Variants in SAYSD1 observed in about 807,000 individuals in gnomAD.
SAYSD1 encodes SAYSVFN motif domain containing 1.
A neutral mutation model predicts 14.5 loss-of-function variants in SAYSD1; 15 were observed. The ratio of observed to expected loss-of-function variants is 1.03; its 90% CI spans 0.69 to 1.59. The LOEUF (loss-of-function observed/expected upper bound fraction) is 1.59. Ranked by LOEUF, SAYSD1 falls within the 40% of genes most tolerant of loss-of-function variation. SAYSD1 has a pLI of 0.00. For missense variants in SAYSD1, 247 were observed against 227.3 expected (o/e 1.09, Z -0.56); for synonymous variants, 105 against 102.6 (o/e 1.02, Z -0.14).
At chr6:39,113,354 CCA>C (rs1769667240) in intron 1 of SAYSD1, 1 of 152,390 alleles carries the variant, frequency 6.6e-6, no homozygotes, top group Non-Finnish European at 1.5e-5. Context: ...CTCTGACAGG[CCA>C]CAGTGTGCCA....
Position 39,114,879 on chromosome 6 carries a change from T to C in SAYSD1, c.207+4A>G. 1 of 1,610,690 alleles carries C rather than the reference T, an allele frequency of 6.2e-7. No individual in the cohort carries two copies. The highest frequency in any genetic ancestry group is 8.5e-7 in the Non-Finnish European group (1 of 1,178,872). On this transcript the variant is annotated splice_donor_region_variant and intron_variant, in intron 1 of 1. Coordinates refer to ENST00000229903, the MANE Select transcript of SAYSD1 (RefSeq NM_018322.3). ...TCCTAGGGCCGAAGTTTCCATCGTCTCACCTGAACTAGGCCGGGCTGGGCC... is the reference window on the plus strand; with the variant it reads ...TCCTAGGGCCGAAGTTTCCATCGTCCCACCTGAACTAGGCCGGGCTGGGCC...
intron 1 of SAYSD1, chr6:39,112,156 A>G (rs1216212606): frequency 6.6e-6 from 1 of 152,270 alleles, no homozygotes; most frequent in African/African-American, 2.4e-5. Flanking sequence ...AGTATACACA[A>G]TAAAAAATAG....
intron 1 of SAYSD1, among the ~76,000 whole-genome samples, chr6:39,108,281 T>A (rs60391655): frequency 0.036 from 5,519 of 152,084 alleles, 124 homozygotes; most frequent in African/African-American, 0.064. Context: ...GTAATTTCCC[T>A]AAAGCCATAA....
At position 39,105,646 on chromosome 6, in the gene SAYSD1, A is replaced by G. The variant is rs779278213; in HGVS notation, c.338T>C (p.Leu113Pro). 1.2e-6 allele frequency: 2 copies of G among 1,614,118 alleles called. No individual in the cohort carries two copies. Among genetic ancestry groups the G allele is most frequent in the East Asian group, 4.5e-5 (2 of 44,892 alleles). ...AAATTCCAGTTCCACAAACAGTCCCAGCAGGACCAACCAGAGAAGAACCTT... is the reference window on the plus strand; with the variant it reads ...AAATTCCAGTTCCACAAACAGTCCCGGCAGGACCAACCAGAGAAGAACCTT... ...FLKVLLWLVLLGLFVELEFGL... is the reference protein window; with the variant it reads ...FLKVLLWLVLPGLFVELEFGL... Residue 113 changes from leucine to proline, a missense_variant, in exon 2 of 2, where the codon CTG becomes CCG. Coordinates refer to ENST00000229903, the MANE Select transcript of SAYSD1 (RefSeq NM_018322.3).
At chr6:39,108,452 AG>A (rs1394859858) in intron 1 of SAYSD1, among the ~76,000 whole-genome samples, 4 of 152,054 alleles carry the variant, frequency 2.6e-5, no homozygotes, top group African/African-American at 7.3e-5. Context: ...AAACTGACGA[AG>A]GGAACAAACA....
chr6:39,111,951 T>C (rs1186860729), intron 1 of SAYSD1: 1 of 152,022 alleles, frequency 6.6e-6, no homozygotes, highest in Non-Finnish European at 1.5e-5. Flanking sequence ...ATATGTTATA[T>C]GAAAAAATTA....
At chr6:39,107,373 C>G (rs979870552) in intron 1 of SAYSD1, among the ~76,000 whole-genome samples, 8 of 152,198 alleles carry the variant, frequency 5.3e-5, no homozygotes, top group African/African-American at 1.9e-4. Context: ...GTTCATTAAG[C>G]ACCAAACTAT....
At position 39,105,221 on chromosome 6, in the gene SAYSD1, C is replaced by T. The variant is rs140829226; in HGVS notation, c.*211G>A. On this transcript the variant is annotated 3_prime_UTR_variant, in exon 2 of 2. Transcript: ENST00000229903. Reference sequence around the variant, plus strand: ...AGTACATAATTTTTATAAATTGCGTCGGACCCACAGTGAATGTATTTTAGA... The same window carrying T: ...AGTACATAATTTTTATAAATTGCGTTGGACCCACAGTGAATGTATTTTAGA... 389 of 550,048 alleles carry T rather than the reference C, an allele frequency of 7.1e-4. 1 individual carries two copies. The highest frequency in any genetic ancestry group is 1.2e-3 in the Admixed American group (37 of 30,746). 34.1% of individuals were successfully genotyped at this position (550,048 alleles called of 1,614,324 possible).
At chr6:39,109,457 A>T in intron 1 of SAYSD1, 1 of 1,535,278 alleles carries the variant, frequency 6.5e-7, no homozygotes, top group Non-Finnish European at 8.8e-7. Flanking sequence ...CGGCATTGTC[A>T]GTCACAGCGA....
chr6:39,105,687 G>A lies in SAYSD1; in HGVS notation c.297C>T (p.Thr99=). The A allele has an allele frequency of 6.2e-7, 1 of 1,614,188 alleles. No homozygotes were observed. The highest frequency in any genetic ancestry group is 8.5e-7 in the Non-Finnish European group (1 of 1,180,038). Residue 99 remains threonine (T), a synonymous_variant, in exon 2 of 2, where the codon ACC becomes ACT. Coordinates refer to ENST00000229903, the MANE Select transcript of SAYSD1 (RefSeq NM_018322.3). ...GAAGAACCTTCAAGAAGGTGATATT[G>A]GTCAGGAAAGACTGGTCCCAGCACG... ...LPSCWDQSFL[T]NITFLKVLLW... is the part of the protein sequence containing the mutation.
intron 1 of SAYSD1, chr6:39,111,479 A>T (rs1263759349): frequency 6.6e-6 from 1 of 152,270 alleles, no homozygotes; most frequent in Non-Finnish European, 1.5e-5. Flanking sequence ...GAGTGGAAAA[A>T]CTTACCATCA....
chr6:39,106,156 T>C (rs1769498819), intron 1 of SAYSD1, among the ~76,000 whole-genome samples: 1 of 152,156 alleles, frequency 6.6e-6, no homozygotes, highest in South Asian at 2.1e-4. Flanking sequence ...CAATATACCT[T>C]TGTTGATTGG....
rs556688792 is a variant in SAYSD1 at position 39,105,011 on chromosome 6, GA to G, written c.*420del. On this transcript the variant is annotated 3_prime_UTR_variant, in exon 2 of 2. Transcript: ENST00000229903. The stretch of plus-strand genomic sequence containing the variant: ...AAAACTTGCAACCTAAACTCTCCGG[GA>G]AAAAAAAAATTGCTATAAATGTTAA... The G allele has an allele frequency of 2.9e-4, 45 of 153,886 alleles. No homozygotes were observed. Among genetic ancestry groups the G allele is most frequent in the Admixed American group, 3.9e-4 (6 of 15,368 alleles). The allele number at this position is 153,886 out of a possible 1,614,324, so 9.5% of individuals were successfully genotyped here.
intron 1 of SAYSD1, among the ~76,000 whole-genome samples, chr6:39,107,331 C>T (rs1769524639): frequency 6.6e-6 from 1 of 152,148 alleles, no homozygotes; most frequent in Non-Finnish European, 1.5e-5. Context: ...AGGGAGGGTG[C>T]CCCCTCTGCC....
chr6:39,109,113 G>C (rs529129906), intron 1 of SAYSD1, among the ~76,000 whole-genome samples: 1 of 152,176 alleles, frequency 6.6e-6, no homozygotes, highest in Admixed American at 6.5e-5. Context: ...TTTTGCGGGG[G>C]TGAGGCACAG....
At chr6:39,111,416 G>A (rs749697594) in intron 1 of SAYSD1, 1 of 150,452 alleles carries the variant, frequency 6.6e-6, no homozygotes, top group Non-Finnish European at 1.5e-5. Context: ...TCAAAAAAAC[G>A]TATATGATAG....
chr6:39,105,040 G>A lies in SAYSD1; in HGVS notation c.*392C>T, dbSNP rs1769467624. 6.0e-6 allele frequency: 1 copy of A among 165,756 alleles called. No homozygotes were observed. The highest frequency in any genetic ancestry group is 1.3e-5 in the Non-Finnish European group (1 of 77,670). 10.3% of individuals were successfully genotyped at this position (165,756 alleles called of 1,614,324 possible). On this transcript the variant is annotated 3_prime_UTR_variant, in exon 2 of 2. Transcript: ENST00000229903. ...AAAAAAATTGCTATAAATGTTAAAA[G>A]ACTTAAAGAGAACATTGACAATGCA... is the stretch of plus-strand genomic sequence containing the variant.
At chr6:39,113,241 AAG>A (rs1375283505) in intron 1 of SAYSD1, 2 of 152,358 alleles carry the variant, frequency 1.3e-5, no homozygotes, top group Non-Finnish European at 2.9e-5. Flanking sequence ...TGTATGTTAA[AAG>A]AGATAAATTC....
In SAYSD1 at chr6:39,105,279, C is replaced by T; in HGVS notation, c.*153G>A. 1 of 635,848 alleles carries T rather than the reference C, an allele frequency of 1.6e-6. No homozygotes were observed. The highest frequency in any genetic ancestry group is 2.7e-5 in the East Asian group (1 of 36,982). 39.4% of individuals were successfully genotyped at this position (635,848 alleles called of 1,614,324 possible). A position where few individuals can be genotyped will look rare whatever the true frequency, so the allele number is the denominator to read the frequency against. ...ACCAAAACTATCAAAGATCAAATGG[C>T]AGCAAAAGATCAGGGAAAGAAGGTA... On this transcript the variant is annotated 3_prime_UTR_variant, in exon 2 of 2. Transcript: ENST00000229903.
Sources: gnomAD v4.1 joint callset for allele counts (sites outside exome capture counted in the v4.1 genomes callset) on GRCh38, gnomAD v4.1.1 for gene constraint, MANE v1.5 for transcripts, NCBI Gene and HGNC (gene_info 2026-07-23, HGNC 2026-07-21) for gene names.